The following UNC5B variants were observed in gnomAD, a reference collection of about 807,000 sequenced individuals.
UNC5B encodes netrin receptor UNC5B.
Under a neutral mutation model 103.7 loss-of-function variants are expected in UNC5B, and 56 were observed. The ratio of observed to expected loss-of-function variants is 0.54; its 90% CI spans 0.44 to 0.67. The LOEUF (loss-of-function observed/expected upper bound fraction) is 0.67, where lower values mean the gene tolerates loss of function less well. Ranked by LOEUF, UNC5B falls within the 30% of genes least tolerant of loss-of-function variation. The pLI is 0.00. For missense variants in UNC5B, 1,194 were observed against 1,284.5 expected, an observed-to-expected ratio of 0.93 and a Z score of 1.08; for synonymous variants, 577 against 542.0, an observed-to-expected ratio of 1.06 and a Z score of -0.90.
intron 1 of UNC5B, chr10:71,217,549 GC>G (rs1230096129): frequency 1.3e-5 from 2 of 152,242 alleles, no homozygotes; most frequent in African/African-American, 4.8e-5. Context: ...AGCCGCCTCA[GC>G]CGCTGCGCCC....
In UNC5B at chr10:71,253,678, G is replaced by T. The variant is rs578232602; in HGVS notation, c.80-26143G>T. Among the ~76,000 whole-genome samples the T allele has an allele frequency of 1.2e-4, 18 of 152,268 alleles. No homozygotes were observed. In the South Asian group the frequency reaches 3.7e-3, roughly 32 times the overall value. ...ATTTCCAGGGTGTCAGAAGCTGTTGGCATCGCCAGGGCTGCCAAGGGGAGG... is the reference window on the plus strand; with the variant it reads ...ATTTCCAGGGTGTCAGAAGCTGTTGTCATCGCCAGGGCTGCCAAGGGGAGG... On this transcript the variant is annotated intron_variant, in intron 1 of 16. Transcript: ENST00000335350.
chr10:71,277,058 G>C (rs532958093), intron 1 of UNC5B, among the ~76,000 whole-genome samples: 20 of 152,300 alleles, frequency 1.3e-4, no homozygotes, highest in African/African-American at 4.8e-4. Context: ...CCAGACGCAG[G>C]GCCTGCTGCA....
chr10:71,265,329 C>A (rs1021059447), intron 1 of UNC5B, among the ~76,000 whole-genome samples: 18 of 152,222 alleles, frequency 1.2e-4, no homozygotes, highest in South Asian at 6.2e-4. Context: ...GGCAACCTGG[C>A]GGGACTGGGG....
At position 71,291,502 on chromosome 10, in the gene UNC5B, C is replaced by T. The variant is rs566232421; in HGVS notation, c.1365C>T (p.Pro455=). ...LTASAGIYRG[P]VYALQDSTDK... Reference sequence around the variant, plus strand: ...CCAGCGCCGGCATCTACCGCGGACCCGTGTATGCCCTGCAGGACTCCACCG... The same window carrying T: ...CCAGCGCCGGCATCTACCGCGGACCTGTGTATGCCCTGCAGGACTCCACCG... Residue 455 remains proline, a synonymous_variant, in exon 10 of 17, where the codon CCC becomes CCT. Transcript: ENST00000335350. 1.4e-5 allele frequency: 23 copies of T among 1,614,140 alleles called. 1 individual carries two copies. Among genetic ancestry groups the T allele is most frequent in the African/African-American group, 1.2e-4 (9 of 75,034 alleles).
rs754467526 is a variant in UNC5B, at chr10:71,290,970, C to A, written c.1155C>A (p.Phe385Leu). Residue 385 changes from phenylalanine to leucine, a missense_variant, in exon 9 of 17, where the codon TTC (phenylalanine) becomes TTA (leucine). By Grantham distance (22) the Phe-to-Leu change is conservative. Coordinates refer to ENST00000335350, the MANE Select transcript of UNC5B (RefSeq NM_170744.5). ...ALYAGLVVAI[F>L]VVVAILMAVG... Reference sequence around the variant, plus strand: ...ATGCGGGGCTCGTGGTGGCCATCTTCGTGGTCGTGGCAATCCTCATGGCGG... The same window carrying A: ...ATGCGGGGCTCGTGGTGGCCATCTTAGTGGTCGTGGCAATCCTCATGGCGG... The A allele has an allele frequency of 6.2e-7, 1 of 1,613,954 alleles. No individual in the cohort carries two copies. The highest frequency in any genetic ancestry group is 1.3e-5 in the African/African-American group (1 of 74,942).
chr10:71,285,087 C>T (rs1326136936), intron 3 of UNC5B, among the ~76,000 whole-genome samples: 1 of 152,234 alleles, frequency 6.6e-6, no homozygotes, highest in African/African-American at 2.4e-5. Context: ...TGGCAGCTTC[C>T]TCCCCCATCC....
intron 1 of UNC5B, among the ~76,000 whole-genome samples, chr10:71,215,580 A>G (rs1843312651): frequency 2.0e-5 from 3 of 152,040 alleles, no homozygotes; most frequent in Admixed American, 6.5e-5. Context: ...AAAACCCCAG[A>G]CCCTTAGAAG....
At chr10:71,260,473 AGT>A (rs1844391739) in intron 1 of UNC5B, among the ~76,000 whole-genome samples, 1 of 152,198 alleles carries the variant, frequency 6.6e-6, no homozygotes, top group Non-Finnish European at 1.5e-5. Flanking sequence ...GTCCAGGCCC[AGT>A]GCTGCTGGGT....
At chr10:71,230,638 C>A (rs1334677480) in intron 1 of UNC5B, among the ~76,000 whole-genome samples, 2 of 152,256 alleles carry the variant, frequency 1.3e-5, no homozygotes, top group African/African-American at 4.8e-5. Flanking sequence ...CCTTTGGATA[C>A]TCACCATGGG....
chr10:71,277,269 C>T (rs1205258370), intron 1 of UNC5B, among the ~76,000 whole-genome samples: 2 of 152,254 alleles, frequency 1.3e-5, no homozygotes, highest in African/African-American at 4.8e-5. Context: ...CCCCCATGCC[C>T]CTTCTCCTGT....
chr10:71,239,266 C>A (rs1443262095), intron 1 of UNC5B, among the ~76,000 whole-genome samples: 1 of 152,128 alleles, frequency 6.6e-6, no homozygotes, highest in Non-Finnish European at 1.5e-5. Flanking sequence ...TTAGCAGCGG[C>A]CTTGGGAAGG....
At chr10:71,237,899 G>C (rs930156837) in intron 1 of UNC5B, among the ~76,000 whole-genome samples, 4 of 152,180 alleles carry the variant, frequency 2.6e-5, no homozygotes, top group Non-Finnish European at 5.9e-5. Flanking sequence ...AAGAGGTGTG[G>C]TACCTGGAGC....
At chr10:71,294,001 C>T in intron 13 of UNC5B, 68 bp downstream of exon 13, 1 of 1,422,570 alleles carries the variant, frequency 7.0e-7, no homozygotes, top group East Asian at 2.5e-5. Context: ...CAGAATCCCC[C>T]ACCCCAGGCT....
rs866169769 is a variant in UNC5B at position 71,299,251 on chromosome 10, G to A, written c.2812G>A (p.Ala938Thr). 6.2e-7 allele frequency: 1 copy of A among 1,614,136 alleles called. No homozygotes were observed. The highest frequency in any genetic ancestry group is 8.5e-7 in the Non-Finnish European group (1 of 1,180,026). Residue 938 changes from alanine to threonine, a missense_variant, in exon 17 of 17, where the codon GCT (alanine) becomes ACT (threonine). By Grantham distance (58) the Ala-to-Thr change is moderately conservative. Transcript: ENST00000335350. ...GATGGGCAAGAGTGAGATGCTGGTG[G>A]CTGTGGCCACCGACGGGGACTGCTG... is the stretch of plus-strand genomic sequence containing the variant. ...EEMGKSEMLV[A>T]VATDGDC
chr10:71,239,233 C>T (rs1843835595), intron 1 of UNC5B, among the ~76,000 whole-genome samples: 1 of 152,122 alleles, frequency 6.6e-6, no homozygotes, highest in South Asian at 2.1e-4. Flanking sequence ...GTTGGGATGG[C>T]ATTGGGGGTA....
intron 1 of UNC5B, among the ~76,000 whole-genome samples, chr10:71,227,614 A>G (rs1443377977): frequency 6.9e-6 from 1 of 143,962 alleles, no homozygotes. Flanking sequence ...ATATATACAT[A>G]TATATACATA....
intron 8 of UNC5B, among the ~76,000 whole-genome samples, chr10:71,290,300 G>A (rs903654623): frequency 1.3e-5 from 2 of 152,076 alleles, no homozygotes; most frequent in African/African-American, 4.8e-5. Flanking sequence ...ATGTTTGCCT[G>A]GGGGAGGAAA....
chr10:71,225,063 A>G (rs1451030502), intron 1 of UNC5B, among the ~76,000 whole-genome samples: 7 of 152,172 alleles, frequency 4.6e-5, no homozygotes, highest in African/African-American at 1.7e-4. Flanking sequence ...GCCTTGTTAG[A>G]CACATTTGGA....
At chr10:71,281,204 A>C (rs1844918157) in intron 2 of UNC5B, among the ~76,000 whole-genome samples, 1 of 152,222 alleles carries the variant, frequency 6.6e-6, no homozygotes, top group Non-Finnish European at 1.5e-5. Flanking sequence ...AATGTACTCG[A>C]GGTCACTGAA....
Sources: allele counts gnomAD v4.1 joint callset (sites outside exome capture counted in the v4.1 genomes callset), GRCh38; gene constraint gnomAD v4.1.1; transcripts MANE v1.5; gene names NCBI Gene and HGNC (gene_info 2026-07-23, HGNC 2026-07-21).